MTX2: variants seen among roughly 807,000 people sequenced by gnomAD.
MTX2 encodes metaxin 2.
Under a neutral mutation model 42.3 loss-of-function variants are expected in MTX2, and 35 were observed. The ratio of observed to expected loss-of-function variants is 0.83; its 90% CI spans 0.63 to 1.10. MTX2 has a LOEUF of 1.10. Among genes scored for constraint, MTX2 ranks in the 50% least tolerant of loss-of-function variants. The pLI, the probability that MTX2 is intolerant of heterozygous loss-of-function variation, is 0.00. For missense variants in MTX2, 307 were observed against 304.1 expected (o/e 1.01, Z -0.07); for synonymous variants, 119 against 100.9 (o/e 1.18, Z -1.08).
At chr2:176,303,947 G>A (rs1256815136) in intron 3 of MTX2, among the ~76,000 whole-genome samples, 1 of 151,922 alleles carries the variant, frequency 6.6e-6, no homozygotes, top group Non-Finnish European at 1.5e-5. Context: ...AAAGTAAATA[G>A]CAAGCAGGAT....
At chr2:176,290,071 A>AATTAG (rs1286832000) in intron 1 of MTX2, among the ~76,000 whole-genome samples, 1 of 152,116 alleles carries the variant, frequency 6.6e-6, no homozygotes, top group East Asian at 1.9e-4. Flanking sequence ...ATAAAGGAGA[A>AATTAG]ATTAGATTTG....
At chr2:176,289,248 ATTAT>A (rs1387304905) in intron 1 of MTX2, among the ~76,000 whole-genome samples, 3 of 152,022 alleles carry the variant, frequency 2.0e-5, no homozygotes, top group Admixed American at 6.6e-5. Context: ...ACATTTATGC[ATTAT>A]TTATTTTATG....
At chr2:176,277,453 A>AGT (rs1692974622) in intron 1 of MTX2, among the ~76,000 whole-genome samples, 1 of 152,182 alleles carries the variant, frequency 6.6e-6, no homozygotes, top group Non-Finnish European at 1.5e-5. Context: ...CCCAGGCTGG[A>AGT]GTGCAGTGGT....
At chr2:176,334,949 G>A (rs776383342) in intron 9 of MTX2, among the ~76,000 whole-genome samples, 6 of 151,814 alleles carry the variant, frequency 4.0e-5, no homozygotes, top group Non-Finnish European at 8.8e-5. Flanking sequence ...CCTGCTTTGT[G>A]CAAGGAATTG....
At chr2:176,312,976 A>G (rs1684352675) in intron 3 of MTX2, among the ~76,000 whole-genome samples, 1 of 150,926 alleles carries the variant, frequency 6.6e-6, no homozygotes, top group South Asian at 2.1e-4. Flanking sequence ...TGGTATTTTG[A>G]TTTTATAGAA....
intron 1 of MTX2, among the ~76,000 whole-genome samples, chr2:176,272,123 G>T (rs2105390278): frequency 6.6e-6 from 1 of 152,274 alleles, no homozygotes; most frequent in South Asian, 2.1e-4. Flanking sequence ...AGGACATTAT[G>T]CTAAATGAAA....
At chr2:176,323,264 GGTTCATT>G in intron 3 of MTX2, 121 bp from the exon 4 acceptor site, 1 of 717,914 alleles carries the variant, frequency 1.4e-6, no homozygotes, top group Non-Finnish European at 2.3e-6. Flanking sequence ...ACTTTAAATT[GGTTCATT>G]GTTTTCTATT....
chr2:176,278,119 C>T (rs1200221607), intron 1 of MTX2, among the ~76,000 whole-genome samples: 4 of 128,500 alleles, frequency 3.1e-5, no homozygotes, highest in African/African-American at 1.2e-4. Flanking sequence ...GGGGTGATCT[C>T]AGCTCACTGC....
At chr2:176,273,893 T>A (rs958549110) in intron 1 of MTX2, among the ~76,000 whole-genome samples, 2 of 150,596 alleles carry the variant, frequency 1.3e-5, no homozygotes, top group African/African-American at 2.4e-5. Context: ...TTGTTTGTTT[T>A]GTTTTATTTT....
At chr2:176,314,423 C>CA (rs2105431444) in intron 3 of MTX2, among the ~76,000 whole-genome samples, 1 of 149,138 alleles carries the variant, frequency 6.7e-6, no homozygotes, top group African/African-American at 2.5e-5. Flanking sequence ...GGTGACAGAG[C>CA]AAGACTCTGT....
Position 176,330,578 on chromosome 2 carries a change from T to C in MTX2, c.544-6T>C, listed in dbSNP as rs1180624879. Reference sequence around the variant, plus strand: ...ACTTTTCCTTGGGGTTCATTGCCTGTGTTAGGTCTTAGAGGATGTAGACCA... The same window carrying C: ...ACTTTTCCTTGGGGTTCATTGCCTGCGTTAGGTCTTAGAGGATGTAGACCA... On this transcript the variant is annotated splice_polypyrimidine_tract_variant and splice_region_variant and intron_variant, in intron 8 of 9. Coordinates refer to ENST00000249442, the MANE Select transcript of MTX2 (RefSeq NM_006554.5). The C allele has an allele frequency of 6.5e-7, 1 of 1,543,686 alleles. No individual in the cohort carries two copies. Among genetic ancestry groups the C allele is most frequent in the Non-Finnish European group, 8.8e-7 (1 of 1,139,500 alleles).
chr2:176,310,765 T>A (rs537114740), intron 3 of MTX2, among the ~76,000 whole-genome samples: 1 of 152,224 alleles, frequency 6.6e-6, no homozygotes, highest in African/African-American at 2.4e-5. Flanking sequence ...TTTAAGGTCT[T>A]CTCTACACTG....
intron 3 of MTX2, among the ~76,000 whole-genome samples, chr2:176,318,183 A>C (rs1351431819): frequency 6.6e-6 from 1 of 152,070 alleles, no homozygotes; most frequent in Non-Finnish European, 1.5e-5. Context: ...TAAAGGTTGC[A>C]GAGATAAATG....
chr2:176,323,391 G>T lies in MTX2; in HGVS notation c.136-1G>T. On this transcript the variant is annotated splice_acceptor_variant, in intron 3 of 9. Transcript: ENST00000249442. LOFTEE classifies it high-confidence loss of function. ...CTTATTGTATGTATCTTGATTTACA[G>T]GCCTTTTTGCAAATGTGTAACTTGC... 1 of 1,610,226 alleles carries T rather than the reference G, an allele frequency of 6.2e-7. No homozygotes were observed. Among genetic ancestry groups the T allele is most frequent in the Non-Finnish European group, 8.5e-7 (1 of 1,177,400 alleles).
chr2:176,317,032 C>CT (rs71409088), intron 3 of MTX2, among the ~76,000 whole-genome samples: 901 of 84,420 alleles, frequency 0.011, 9 homozygotes, highest in East Asian at 0.054. Context: ...GACTAAGTGT[C>CT]TTTTTTAAAA....
At position 176,269,513 on chromosome 2, in the gene MTX2, C is replaced by G. The variant is rs1285874376; in HGVS notation, c.-117C>G. ...GCCGCTGCTGTTGGAGTGGGCTTTG[C>G]GAGTCTGAACGTTGGCGGGGCTAGG... On this transcript the variant is annotated 5_prime_UTR_variant, in exon 1 of 10. Coordinates refer to ENST00000249442, the MANE Select transcript of MTX2 (RefSeq NM_006554.5). The G allele has an allele frequency of 3.4e-6, 4 of 1,169,204 alleles. No individual in the cohort carries two copies. The highest frequency in any genetic ancestry group is 3.2e-5 in the African/African-American group (2 of 62,484). The allele number at this position is 1,169,204 out of a possible 1,614,324, so 72.4% of individuals were successfully genotyped here.
chr2:176,306,545 A>G (rs6433580), intron 3 of MTX2, among the ~76,000 whole-genome samples: 43,333 of 152,016 alleles, frequency 0.29, 6,780 homozygotes, highest in African/African-American at 0.41. Flanking sequence ...AAGCATTCCT[A>G]TTTCTCCACA....
At chr2:176,271,638 A>G (rs1454514463) in intron 1 of MTX2, among the ~76,000 whole-genome samples, 1 of 152,204 alleles carries the variant, frequency 6.6e-6, no homozygotes, top group African/African-American at 2.4e-5. Flanking sequence ...CTAATAGGGC[A>G]TGGGGAAAAG....
In MTX2 at chr2:176,307,975, C is replaced by T. The variant is rs565141493; in HGVS notation, c.135+10080C>T. 1.2e-3 allele frequency among the ~76,000 whole-genome samples: 182 copies of T among 152,178 alleles called. 1 individual carries two copies. The highest frequency in any genetic ancestry group is 8.1e-3 in the South Asian group (39 of 4,824). ...TGAGAGAGGGCATCCTTGTCTTGTG[C>T]GGGTTTTCAAAGGGAGTGCTTCCCA... On this transcript the variant is annotated intron_variant, in intron 3 of 9. Coordinates refer to ENST00000249442, the MANE Select transcript of MTX2 (RefSeq NM_006554.5).
Sources: gnomAD v4.1 joint callset for allele counts (sites outside exome capture counted in the v4.1 genomes callset) on GRCh38, gnomAD v4.1.1 for gene constraint, MANE v1.5 for transcripts, NCBI Gene and HGNC (gene_info 2026-07-23, HGNC 2026-07-21) for gene names.